VPS53: variants seen among roughly 807,000 people sequenced by gnomAD.
VPS53 encodes VPS53 subunit of GARP complex.
VPS53 carries 70 observed loss-of-function variants against 107.0 expected under a neutral mutation model. The observed-to-expected ratio is 0.65, with a 90% CI of 0.54 to 0.80. The LOEUF (loss-of-function observed/expected upper bound fraction) is 0.80. Among genes scored for constraint, VPS53 ranks in the 30% least tolerant of loss-of-function variants. VPS53 has a pLI of 0.00. For missense variants in VPS53, 917 were observed against 1,049.4 expected (o/e 0.87, Z 1.74); for synonymous variants, 409 against 393.3 (o/e 1.04, Z -0.47).
chr17:555,531 T>C (rs936189615), intron 15 of VPS53, among the ~76,000 whole-genome samples: 30 of 151,934 alleles, frequency 2.0e-4, no homozygotes, highest in Non-Finnish European at 2.9e-4. Flanking sequence ...ACGGGGGTTT[T>C]ACTATGTTGG....
intron 4 of VPS53, among the ~76,000 whole-genome samples, chr17:691,547 G>A (rs1972775081): frequency 6.6e-6 from 1 of 152,202 alleles, no homozygotes; most frequent in South Asian, 2.1e-4. Flanking sequence ...CACTTTCTGA[G>A]GTTTTAGCCA....
intron 11 of VPS53, among the ~76,000 whole-genome samples, chr17:609,858 G>A (rs999888664): frequency 1.3e-5 from 2 of 152,062 alleles, no homozygotes; most frequent in African/African-American, 2.4e-5. Flanking sequence ...GGCCGGGTGC[G>A]GTGGCTCACG....
chr17:710,023 T>C (rs1035980663), intron 2 of VPS53, among the ~76,000 whole-genome samples: 1 of 151,996 alleles, frequency 6.6e-6, no homozygotes. Context: ...TGGGTACCTA[T>C]AGTGCCAGCT....
chr17:520,013 C>T lies in VPS53; in HGVS notation c.2224-83G>A. 2.1e-6 allele frequency: 2 copies of T among 934,536 alleles called. No homozygotes were observed. The highest frequency in any genetic ancestry group is 3.4e-6 in the Non-Finnish European group (2 of 594,314). The allele number at this position is 934,536 out of a possible 1,614,324, so 57.9% of individuals were successfully genotyped here. ...ACAGGAGCGGGCCCTCAAGAAAACTCACTACCCACCGCAGGAGGAGACGGG... is the reference window on the plus strand; with the variant it reads ...ACAGGAGCGGGCCCTCAAGAAAACTTACTACCCACCGCAGGAGGAGACGGG... On this transcript the variant is annotated intron_variant, in intron 20 of 21. Coordinates refer to ENST00000437048, the MANE Select transcript of VPS53 (RefSeq NM_001128159.3). This position sits in a 1 kb window ranked among gnomAD's most constrained non-coding sequence, Gnocchi z 4.4.
In VPS53 at chr17:571,832, G is replaced by C. The variant is rs528664422; in HGVS notation, c.1314-9087C>G. Among the ~76,000 whole-genome samples, 937 of 152,354 alleles carry C rather than the reference G, an allele frequency of 6.2e-3. 9 individuals are homozygous for C. The highest frequency in any genetic ancestry group is 0.021 in the African/African-American group (889 of 41,586). ...GGTGCCGGGATTGCAGACGGTGTCTGGTTCACTCAGTGCTCAATGGTGCCC... is the reference window on the plus strand; with the variant it reads ...GGTGCCGGGATTGCAGACGGTGTCTCGTTCACTCAGTGCTCAATGGTGCCC... On this transcript the variant is annotated intron_variant, in intron 13 of 21. Coordinates refer to ENST00000437048, the MANE Select transcript of VPS53 (RefSeq NM_001128159.3).
At chr17:557,552 G>A (rs1013754309) in intron 15 of VPS53, among the ~76,000 whole-genome samples, 11 of 152,128 alleles carry the variant, frequency 7.2e-5, no homozygotes, top group Non-Finnish European at 1.5e-4. Context: ...TGTGTAACAT[G>A]ATGTTCTGAT....
chr17:714,068 C>G (rs1217799237), intron 1 of VPS53: 1 of 148,664 alleles, frequency 6.7e-6, no homozygotes, highest in East Asian at 2.0e-4. Flanking sequence ...AAAAAAAGTT[C>G]CTGAAGGGAA....
At chr17:671,216 G>A (rs1971926425) in intron 4 of VPS53, among the ~76,000 whole-genome samples, 1 of 136,004 alleles carries the variant, frequency 7.4e-6, no homozygotes, top group African/African-American at 2.8e-5. Flanking sequence ...GGGCAACAGA[G>A]TGAGACGGAG....
At chr17:576,945 T>C (rs969897937) in intron 13 of VPS53, among the ~76,000 whole-genome samples, 8 of 142,888 alleles carry the variant, frequency 5.6e-5, no homozygotes, top group African/African-American at 2.1e-4. Flanking sequence ...AGAACCTCAA[T>C]GCTTTCCTAG....
rs1050797159 is a variant in VPS53 at position 517,479 on chromosome 17, T to C, written c.*1649A>G. The C allele has an allele frequency of 2.5e-6, 1 of 398,566 alleles. No homozygotes were observed. The highest frequency in any genetic ancestry group is 4.4e-6 in the Non-Finnish European group (1 of 226,082). 24.7% of individuals were successfully genotyped at this position (398,566 alleles called of 1,614,324 possible). ...AGATTTCCAAACCTTATTCCTACTG[T>C]ACGGCTGTTACAAGTTTTATGGATT... On this transcript the variant is annotated 3_prime_UTR_variant, in exon 22 of 22. Transcript: ENST00000437048.
chr17:602,884 C>A (rs552934857), intron 11 of VPS53, among the ~76,000 whole-genome samples: 2 of 152,258 alleles, frequency 1.3e-5, no homozygotes, highest in South Asian at 4.1e-4. Flanking sequence ...AGGAGGCCAA[C>A]TGGACAAACA....
At chr17:695,749 G>T (rs1170835646) in intron 4 of VPS53, among the ~76,000 whole-genome samples, 1 of 152,030 alleles carries the variant, frequency 6.6e-6, no homozygotes, top group African/African-American at 2.4e-5. Flanking sequence ...GCAGGGTTTT[G>T]TCATGTTGCC....
chr17:535,851 T>C (rs1213261999), intron 18 of VPS53, among the ~76,000 whole-genome samples: 2 of 152,146 alleles, frequency 1.3e-5, no homozygotes, highest in African/African-American at 4.8e-5. Flanking sequence ...CGCTCCATAA[T>C]TGTTAGTCCT....
chr17:590,277 G>C (rs1161373522), intron 12 of VPS53, among the ~76,000 whole-genome samples: 2 of 152,168 alleles, frequency 1.3e-5, no homozygotes, highest in Admixed American at 1.3e-4. Flanking sequence ...GAGATTTTGG[G>C]CTGAGATAAT....
At chr17:655,331 G>T (rs1378270608) in intron 6 of VPS53, among the ~76,000 whole-genome samples, 2 of 19,886 alleles carry the variant, frequency 1.0e-4, no homozygotes, top group Non-Finnish European at 2.5e-4. Flanking sequence ...AAAGTGGTTT[G>T]AATGATTGAG....
intron 19 of VPS53, among the ~76,000 whole-genome samples, chr17:528,173 G>T (rs894787857): frequency 1.3e-5 from 2 of 152,104 alleles, no homozygotes; most frequent in Non-Finnish European, 2.9e-5. Context: ...TATTCACAAG[G>T]TTGTACAGCT....
chr17:611,512 T>A (rs1968873140), intron 11 of VPS53, among the ~76,000 whole-genome samples: 2 of 152,180 alleles, frequency 1.3e-5, no homozygotes, highest in Admixed American at 1.3e-4. Flanking sequence ...TGTGGCTGCT[T>A]CGAAAACAGT....
At chr17:564,270 G>A (rs779393270) in intron 13 of VPS53, among the ~76,000 whole-genome samples, 16 of 152,166 alleles carry the variant, frequency 1.1e-4, no homozygotes, top group Non-Finnish European at 2.4e-4. Context: ...GCCAGGCACA[G>A]TGGCTCATGC....
chr17:696,195 C>T (rs945931802), intron 4 of VPS53, among the ~76,000 whole-genome samples: 1 of 152,058 alleles, frequency 6.6e-6, no homozygotes, highest in African/African-American at 2.4e-5. Flanking sequence ...AGGAAACTGG[C>T]TATCAAATGG....
Sources: gnomAD v4.1 joint callset for allele counts (sites outside exome capture counted in the v4.1 genomes callset) on GRCh38, gnomAD v4.1.1 for gene constraint, Gnocchi (gnomAD v3.1) non-coding constraint, MANE v1.5 for transcripts, NCBI Gene and HGNC (gene_info 2026-07-23, HGNC 2026-07-21) for gene names.